Variants in PRKCA observed in about 807,000 individuals in gnomAD.
PRKCA encodes protein kinase C alpha, also known as protein kinase C alpha type.
A neutral mutation model predicts 87.0 loss-of-function variants in PRKCA; 27 were observed. That is an observed-to-expected ratio of 0.31 (90% CI 0.23 to 0.43). PRKCA has a LOEUF of 0.43. Ranked by LOEUF, PRKCA falls within the 20% of genes least tolerant of loss-of-function variation. The pLI, the probability that PRKCA is intolerant of heterozygous loss-of-function variation, is 1.00. For missense variants in PRKCA, 518 were observed against 852.3 expected (o/e 0.61, Z 4.88); for synonymous variants, 329 against 311.1 (o/e 1.06, Z -0.61).
chr17:66,480,741 C>G (rs904785395), intron 2 of PRKCA, among the ~76,000 whole-genome samples: 1 of 151,724 alleles, frequency 6.6e-6, no homozygotes, highest in Non-Finnish European at 1.5e-5. Context: ...ATATGAAATG[C>G]TTTTTCCCTC....
At chr17:66,528,169 C>T (rs1244282518) in intron 3 of PRKCA, among the ~76,000 whole-genome samples, 1 of 139,750 alleles carries the variant, frequency 7.2e-6, no homozygotes, top group Non-Finnish European at 1.5e-5. Context: ...AGTGAGCTGA[C>T]ATGGCACCAC....
chr17:66,331,345 G>C (rs1684416682), intron 2 of PRKCA, among the ~76,000 whole-genome samples: 1 of 152,156 alleles, frequency 6.6e-6, no homozygotes, highest in Non-Finnish European at 1.5e-5. Flanking sequence ...TGAAGACTCT[G>C]ATGTGGCTAC....
intron 2 of PRKCA, among the ~76,000 whole-genome samples, chr17:66,374,553 C>G (rs1909307144): frequency 6.6e-6 from 1 of 152,024 alleles, no homozygotes; most frequent in Admixed American, 6.6e-5. Context: ...GCACCGCAGC[C>G]CCCTGAATTA....
rs373125854 is a variant in PRKCA at position 66,732,799 on chromosome 17, G to T, written c.1030G>T (p.Val344Leu). ...VKLTDFNFLM[V>L]LGKGSFGKVM... ...ACTCACGGACTTCAATTTCCTCATGGTGTTGGGAAAGGGGAGTTTTGGAAA... is the reference window on the plus strand; with the variant it reads ...ACTCACGGACTTCAATTTCCTCATGTTGTTGGGAAAGGGGAGTTTTGGAAA... The change falls in exon 9 of 17, where the codon GTG becomes TTG. Residue 344 changes from valine (V) to leucine (L), a missense_variant. Physicochemically the swap from Val to Leu is conservative, Grantham distance 32. Transcript: ENST00000413366. 107 of 1,614,008 alleles carry T rather than the reference G, an allele frequency of 6.6e-5. No individual in the cohort carries two copies. Among genetic ancestry groups the T allele is most frequent in the Non-Finnish European group, 8.6e-5 (102 of 1,180,014 alleles).
intron 4 of PRKCA, among the ~76,000 whole-genome samples, chr17:66,644,042 A>G (rs1480406600): frequency 6.6e-6 from 1 of 152,192 alleles, no homozygotes; most frequent in Non-Finnish European, 1.5e-5. Flanking sequence ...TCACATTGCA[A>G]ATTTTGCCCG....
At chr17:66,488,750 A>T (rs1040171991) in intron 2 of PRKCA, among the ~76,000 whole-genome samples, 1 of 152,242 alleles carries the variant, frequency 6.6e-6, no homozygotes, top group Non-Finnish European at 1.5e-5. Flanking sequence ...GCACGTGCAC[A>T]GATGCTGAAA....
At chr17:66,358,462 A>G (rs933437700) in intron 2 of PRKCA, among the ~76,000 whole-genome samples, 1 of 152,042 alleles carries the variant, frequency 6.6e-6, no homozygotes, top group African/African-American at 2.4e-5. Context: ...GCACATGGTA[A>G]TGAATACATG....
intron 2 of PRKCA, among the ~76,000 whole-genome samples, chr17:66,476,707 C>T (rs1446473375): frequency 6.6e-6 from 1 of 152,184 alleles, no homozygotes. Context: ...TTCTTCTAAT[C>T]ATTGACCTTC....
chr17:66,340,734 T>C (rs1906994593), intron 2 of PRKCA, among the ~76,000 whole-genome samples: 3 of 152,196 alleles, frequency 2.0e-5, no homozygotes, highest in Admixed American at 1.3e-4. Flanking sequence ...TTTGGATACT[T>C]GAGAAATCCT....
intron 3 of PRKCA, among the ~76,000 whole-genome samples, chr17:66,614,331 G>A (rs569123771): frequency 1.7e-4 from 26 of 152,178 alleles, no homozygotes; most frequent in African/African-American, 5.3e-4. Flanking sequence ...GTATATTTCC[G>A]GAAGGACTCT....
chr17:66,376,059 C>G (rs1386106659), intron 2 of PRKCA, among the ~76,000 whole-genome samples: 1 of 152,194 alleles, frequency 6.6e-6, no homozygotes, highest in East Asian at 1.9e-4. Flanking sequence ...GGGTACAGAG[C>G]CACATACCAG....
At chr17:66,623,561 A>G (rs1273467109) in intron 3 of PRKCA, among the ~76,000 whole-genome samples, 1 of 152,180 alleles carries the variant, frequency 6.6e-6, no homozygotes, top group Non-Finnish European at 1.5e-5. Context: ...CGTTTGACAG[A>G]TGTTCACAAA....
At chr17:66,798,423 T>TGGTGGTGGTGAC (rs1598953023) in intron 16 of PRKCA, among the ~76,000 whole-genome samples, 1 of 119,360 alleles carries the variant, frequency 8.4e-6, no homozygotes, top group Non-Finnish European at 1.7e-5. Context: ...ATGGTGGTGG[T>TGGTGGTGGTGAC]GGTGGTGGTG....
intron 5 of PRKCA, among the ~76,000 whole-genome samples, chr17:66,662,675 T>C (rs1371474190): frequency 6.6e-6 from 1 of 151,610 alleles, no homozygotes; most frequent in Non-Finnish European, 1.5e-5. Context: ...TTGATTTTGA[T>C]TGTGGTCGAG....
At chr17:66,779,600 TCCATGA>T (rs1306998033) in intron 14 of PRKCA, among the ~76,000 whole-genome samples, 1 of 152,146 alleles carries the variant, frequency 6.6e-6, no homozygotes, top group Non-Finnish European at 1.5e-5. Flanking sequence ...AAGCGTGGCC[TCCATGA>T]CCACTTCCTA....
At chr17:66,533,131 C>A (rs926392554) in intron 3 of PRKCA, among the ~76,000 whole-genome samples, 35 of 152,106 alleles carry the variant, frequency 2.3e-4, no homozygotes, top group African/African-American at 8.2e-4. Context: ...CTTTTTGATT[C>A]CTACACTTAT....
chr17:66,310,803 GA>G (rs1397673589), intron 2 of PRKCA, among the ~76,000 whole-genome samples: 1 of 152,182 alleles, frequency 6.6e-6, no homozygotes, highest in Non-Finnish European at 1.5e-5. Flanking sequence ...TCAGAAAAGG[GA>G]TGCGCCGTTG....
chr17:66,681,377 T>C (rs931260430), intron 5 of PRKCA, among the ~76,000 whole-genome samples: 1 of 152,172 alleles, frequency 6.6e-6, no homozygotes, highest in African/African-American at 2.4e-5. Context: ...ACTGTTTCAC[T>C]GTAGCCTAAT....
chr17:66,349,368 C>A (rs539552345), intron 2 of PRKCA, among the ~76,000 whole-genome samples: 2 of 152,124 alleles, frequency 1.3e-5, no homozygotes, highest in Middle Eastern at 3.2e-3. Context: ...CCTGCTACCC[C>A]CCGCATTTGG....
Sources: gnomAD v4.1 joint callset for allele counts (sites outside exome capture counted in the v4.1 genomes callset) on GRCh38, gnomAD v4.1.1 for gene constraint, MANE v1.5 for transcripts, NCBI Gene and HGNC (gene_info 2026-07-23, HGNC 2026-07-21) for gene names.